SMC2: variants seen among roughly 807,000 people sequenced by gnomAD.
The protein encoded by SMC2 is structural maintenance of chromosomes protein 2.
In SMC2, 41 loss-of-function variants were observed where a neutral mutation model predicts 142.6. The observed-to-expected ratio is 0.29, with a 90% CI of 0.22 to 0.37. SMC2 has a LOEUF of 0.37. Ranked by LOEUF, SMC2 falls within the 10% of genes least tolerant of loss-of-function variation. The pLI is 1.00. For missense variants in SMC2, 1,265 were observed against 1,373.7 expected, an observed-to-expected ratio of 0.92 and a Z score of 1.25; for synonymous variants, 463 against 457.5, an observed-to-expected ratio of 1.01 and a Z score of -0.15.
chr9:104,139,257 T>C lies in SMC2; in HGVS notation c.3536T>C (p.Ile1179Thr). Residue 1179 changes from isoleucine to threonine, a missense_variant, in exon 25 of 25, where the codon ATT (isoleucine) becomes ACT (threonine). Transcript: ENST00000374793. ...ARFTQCQNGK[I>T]SKEAKSKAKP... The stretch of plus-strand genomic sequence containing the variant: ...TTTACTCAATGTCAAAATGGAAAGA[T>C]TTCAAAGGAAGCAAAATCCAAGGCA... The C allele has an allele frequency of 6.2e-7, 1 of 1,601,514 alleles. No individual in the cohort carries two copies.
intron 2 of SMC2, among the ~76,000 whole-genome samples, chr9:104,095,875 G>GT (rs1202661693): frequency 2.6e-5 from 4 of 152,190 alleles, no homozygotes; most frequent in African/African-American, 9.6e-5. Flanking sequence ...CTTTGGGACA[G>GT]TATTTCCTTA....
intron 9 of SMC2, among the ~76,000 whole-genome samples, chr9:104,107,815 C>T (rs1831980481): frequency 6.6e-6 from 1 of 152,208 alleles, no homozygotes; most frequent in Non-Finnish European, 1.5e-5. Flanking sequence ...ACATTTTTAT[C>T]TGTAGTGGGT....
intron 9 of SMC2, among the ~76,000 whole-genome samples, chr9:104,102,893 G>A (rs1457739003): frequency 6.6e-6 from 1 of 152,158 alleles, no homozygotes; most frequent in Non-Finnish European, 1.5e-5. Flanking sequence ...AAGTTGGATA[G>A]CCACTGAAGT....
chr9:104,101,936 C>T (rs780458372), intron 7 of SMC2, 24 bp from the exon 8 acceptor site: 1 of 1,402,700 alleles, frequency 7.1e-7, no homozygotes, highest in Non-Finnish European at 9.8e-7. Context: ...TTGAGTTATT[C>T]TTTTTTTGTG....
intron 13 of SMC2, among the ~76,000 whole-genome samples, chr9:104,115,422 A>G (rs916623727): frequency 1.3e-5 from 2 of 152,030 alleles, no homozygotes; most frequent in Admixed American, 1.3e-4. Context: ...TGAAAATACA[A>G]AAGTTACCCA....
chr9:104,131,794 TAA>T (rs1017061949), intron 21 of SMC2, among the ~76,000 whole-genome samples: 7 of 151,966 alleles, frequency 4.6e-5, no homozygotes, highest in Non-Finnish European at 8.8e-5. Flanking sequence ...CTAATTTTGT[TAA>T]GAGTGTGTAT....
At position 104,111,657 on chromosome 9, in the gene SMC2, G is replaced by A. The variant is rs747112609; in HGVS notation, c.1097G>A (p.Ser366Asn). Residue 366 changes from serine (S) to asparagine (N), a missense_variant, in exon 10 of 25, where the codon AGT (serine) becomes AAT (asparagine). By Grantham distance (46) the Ser-to-Asn change is conservative (BLOSUM62 1). Transcript: ENST00000374793. ...GGACTGCATGCCCTTCAAGAAGCAA[G>A]TAATAAAGATGCTGAAGCTCTGGCA... ...TDGLHALQEASNKDAEALAAA... is the reference protein window; with the variant it reads ...TDGLHALQEANNKDAEALAAA... 1 of 1,614,054 alleles carries A rather than the reference G, an allele frequency of 6.2e-7. No individual in the cohort carries two copies. Among genetic ancestry groups the A allele is most frequent in the Non-Finnish European group, 8.5e-7 (1 of 1,179,928 alleles).
At chr9:104,110,854 C>G (rs913618426) in intron 9 of SMC2, among the ~76,000 whole-genome samples, 1 of 152,224 alleles carries the variant, frequency 6.6e-6, no homozygotes, top group Non-Finnish European at 1.5e-5. Context: ...TCCTATCACT[C>G]TATTCCCCAA....
chr9:104,094,330 G>C lies in SMC2; in HGVS notation c.-209G>C, dbSNP rs1310184484. ...ATTCAAAGGAATAAATAGTTCCGGCGCGGGTGTTGAGAGCGGTGTGGCAGG... is the reference window on the plus strand; with the variant it reads ...ATTCAAAGGAATAAATAGTTCCGGCCCGGGTGTTGAGAGCGGTGTGGCAGG... On this transcript the variant is annotated 5_prime_UTR_variant, in exon 1 of 25. Transcript: ENST00000374793. 7.5e-6 allele frequency: 3 copies of C among 398,664 alleles called. No homozygotes were observed. Among genetic ancestry groups the C allele is most frequent in the African/African-American group, 4.1e-5 (2 of 48,660 alleles). The allele number at this position is 398,664 out of a possible 1,614,324, so 24.7% of individuals were successfully genotyped here.
intron 9 of SMC2, among the ~76,000 whole-genome samples, chr9:104,102,923 C>T (rs1041904499): frequency 5.3e-5 from 8 of 151,966 alleles, no homozygotes; most frequent in African/African-American, 1.4e-4. Flanking sequence ...ATAGGAAGAA[C>T]GGGTTTGATA....
chr9:104,105,597 A>G (rs1344998493), intron 9 of SMC2, among the ~76,000 whole-genome samples: 2 of 151,952 alleles, frequency 1.3e-5, no homozygotes, highest in Non-Finnish European at 2.9e-5. Flanking sequence ...TTCCTTCATC[A>G]CCAATGGGAC....
chr9:104,103,543 A>G (rs1330300846), intron 9 of SMC2, among the ~76,000 whole-genome samples: 1 of 152,202 alleles, frequency 6.6e-6, no homozygotes, highest in Non-Finnish European at 1.5e-5. Flanking sequence ...AGTAGCTGCA[A>G]GTAGGATAGG....
intron 16 of SMC2, among the ~76,000 whole-genome samples, chr9:104,121,362 G>A (rs1833714430): frequency 6.6e-6 from 1 of 151,982 alleles, no homozygotes; most frequent in South Asian, 2.1e-4. Context: ...CAGGCGTGGT[G>A]GCATGTGCCT....
At chr9:104,094,684 G>C (rs896613139) in intron 1 of SMC2, 54 of 364,556 alleles carry the variant, frequency 1.5e-4, no homozygotes, top group African/African-American at 2.1e-5. Flanking sequence ...GGAGAAGCGA[G>C]GTAAAAGCCT....
chr9:104,102,649 C>T, intron 9 of SMC2, 76 bp downstream of exon 9: 1 of 1,387,130 alleles, frequency 7.2e-7, no homozygotes, highest in Non-Finnish European at 9.6e-7. Context: ...TTATCTATTC[C>T]ATGAATATTT....
intron 20 of SMC2, 83 bp from the exon 21 acceptor site, chr9:104,129,562 G>A: frequency 5.6e-6 from 6 of 1,070,968 alleles, no homozygotes; most frequent in Non-Finnish European, 7.0e-6. Context: ...TGATTCAAAA[G>A]TATTAAATAG....
intron 23 of SMC2, among the ~76,000 whole-genome samples, chr9:104,136,663 A>C (rs1835563651): frequency 6.6e-6 from 1 of 151,448 alleles, no homozygotes; most frequent in East Asian, 1.9e-4. Flanking sequence ...ACAAAGAAAC[A>C]TAATTTTAGG....
intron 10 of SMC2, among the ~76,000 whole-genome samples, 168 bp from the exon 11 acceptor site, chr9:104,113,148 A>G (rs1190668081): frequency 2.0e-5 from 3 of 152,020 alleles, no homozygotes; most frequent in Admixed American, 2.0e-4. Context: ...TTTTGAGGAG[A>G]AAATACTGGG....
chr9:104,089,671 GA>G (rs1829963177), upstream of SMC2, among the ~76,000 whole-genome samples: 2 of 151,152 alleles, frequency 1.3e-5, no homozygotes, highest in East Asian at 3.9e-4. Flanking sequence ...TTTTTTTTTT[GA>G]AAAAGCTCTG....
Sources: gnomAD v4.1 joint callset for allele counts (sites outside exome capture counted in the v4.1 genomes callset) on GRCh38, gnomAD v4.1.1 for gene constraint, MANE v1.5 for transcripts, NCBI Gene and HGNC (gene_info 2026-07-23, HGNC 2026-07-21) for gene names.